CACNA1F: variants seen among roughly 807,000 people sequenced by gnomAD.
CACNA1F encodes calcium voltage-gated channel subunit alpha1 F.
In CACNA1F, 59 loss-of-function variants were observed where a neutral mutation model predicts 143.8. That is an observed-to-expected ratio of 0.41 (90% confidence interval 0.33 to 0.51). The LOEUF is 0.51. Ranked by LOEUF, CACNA1F falls within the 20% of genes least tolerant of loss-of-function variation. CACNA1F has a pLI of 0.22. For missense variants in CACNA1F, 1,411 were observed against 1,647.5 expected, an observed-to-expected ratio of 0.86 and a Z score of 2.48; for synonymous variants, 643 against 649.1, an observed-to-expected ratio of 0.99 and a Z score of 0.14.
At chrX:49,212,430 G>C in intron 33 of CACNA1F, 122 bp from the exon 34 acceptor site, 1 of 642,327 alleles carries the variant, frequency 1.6e-6, no homozygotes, top group Non-Finnish European at 2.5e-6. Context: ...CATCTCCAAA[G>C]TGCCAAGGAC....
chrX:49,218,347 C>T, intron 24 of CACNA1F, 108 bp downstream of exon 24: 2 of 617,353 alleles, frequency 3.2e-6, no homozygotes, highest in Non-Finnish European at 5.2e-6. Context: ...GTGTCAGGTC[C>T]AGGCCGTATG....
intron 24 of CACNA1F, 24 bp downstream of exon 24, chrX:49,218,431 T>C: frequency 8.9e-7 from 1 of 1,122,523 alleles, no homozygotes; most frequent in Non-Finnish European, 1.2e-6. Context: ...CTGGGTCCTG[T>C]GGGTTTGGGT....
rs1158662207 is a variant in CACNA1F, at chrX:49,206,800, G to A, written c.5287C>T (p.Pro1763Ser). The change falls in exon 45 of 48, where the codon CCT becomes TCT. Residue 1763 changes from proline (P) to serine (S), a missense_variant. By Grantham distance (74) the Pro-to-Ser change is moderately conservative. This residue lies in a region of CACNA1F where 349 missense variants were observed against 350.2 expected (regional missense o/e 1.00). Transcript: ENST00000323022. ...TCCATGTATCTCTGAGCTCTGTGAGGTGGCAAAAGGACTGAGCACGGGGGA... is the reference window on the plus strand; with the variant it reads ...TCCATGTATCTCTGAGCTCTGTGAGATGGCAAAAGGACTGAGCACGGGGGA... ...GTPPCSVLLP[P>S]HRAQRYMDGH... The A allele has an allele frequency of 1.7e-6, 2 of 1,208,613 alleles. No homozygotes were observed. Among genetic ancestry groups the A allele is most frequent in the East Asian group, 3.0e-5 (1 of 33,792 alleles).
At chrX:49,214,316 G>A (rs782456452) in intron 29 of CACNA1F, 47 bp from the exon 30 acceptor site, 17 of 770,213 alleles carry the variant, frequency 2.2e-5, no homozygotes, top group African/African-American at 1.6e-4. Flanking sequence ...CAGAGATGCC[G>A]CCACACCCAA....
rs781954769 is a variant in CACNA1F at position 49,218,951 on chromosome X, G to A, written c.2674-10C>T. 2 of 1,193,290 alleles carry A rather than the reference G, an allele frequency of 1.7e-6. No homozygotes were observed. Among genetic ancestry groups the A allele is most frequent in the Non-Finnish European group, 2.3e-6 (2 of 879,562 alleles). On this transcript the variant is annotated splice_polypyrimidine_tract_variant and intron_variant, in intron 21 of 47. Transcript: ENST00000323022. ...CGAAGTAACCCAGAATCTGGGGTGT[G>A]AGAAAGAGCGGGGAGCCACTGAGTC...
chrX:49,208,415 T>TCCCCCCCCCCCCC, intron 43 of CACNA1F, 100 bp downstream of exon 43: 2 of 138,732 alleles, frequency 1.4e-5, no homozygotes, highest in Admixed American at 8.0e-5. Flanking sequence ...CTCTAGGCCC[T>TCCCCCCCCCCCCC]CCCTCCCACC....
Position 49,219,645 on chromosome X carries a change from G to T in CACNA1F, c.2532C>A (p.Ser844Arg). 8.3e-7 allele frequency: 1 copy of T among 1,203,946 alleles called. No homozygotes were observed. Among genetic ancestry groups the T allele is most frequent in the Non-Finnish European group, 1.1e-6 (1 of 891,646 alleles). Reference protein sequence around the residue: ...IPEGSAFFCLSQTNPLRKGCH... With the variant: ...IPEGSAFFCLRQTNPLRKGCH... ...CTTCCGGCACTCACGGGTTGGTTTG[G>T]CTGAGGCAGAAGAAGGCGCTGCCCT... Residue 844 changes from serine to arginine, a missense_variant, in exon 20 of 48, where the codon AGC becomes AGA. Physicochemically the swap from Ser to Arg is moderately radical, Grantham distance 110. Coordinates refer to ENST00000323022, the MANE Select transcript of CACNA1F (RefSeq NM_001256789.3).
chrX:49,230,196 C>T (rs2065863189), intron 6 of CACNA1F, 24 bp downstream of exon 6: 1 of 1,186,322 alleles, frequency 8.4e-7, no homozygotes, highest in African/African-American at 1.8e-5. Context: ...GCATGTTCTG[C>T]CTAGGAGGGG....
chrX:49,222,564 T>C lies in CACNA1F; in HGVS notation c.2246A>G (p.Asn749Ser). Reference protein sequence around the residue: ...LNVFLAIAVDNLASGDAGTAK... With the variant: ...LNVFLAIAVDSLASGDAGTAK... ...AGTGCCTGCATCTCCACTGGCCAGG[T>C]TGTCCACAGCAATGGCAAGAAACAC... Residue 749 changes from asparagine (N) to serine (S), a missense_variant, in exon 17 of 48, where the codon AAC becomes AGC. Asn to Ser is a conservative substitution (Grantham distance 46). Around this residue, in one of 3 missense-constraint regions of CACNA1F, gnomAD observed 950 missense variants for 1,128.1 expected, o/e 0.84. Coordinates refer to ENST00000323022, the MANE Select transcript of CACNA1F (RefSeq NM_001256789.3). 1.7e-6 allele frequency: 2 copies of C among 1,210,705 alleles called. No homozygotes were observed. The highest frequency in any genetic ancestry group is 1.1e-6 in the Non-Finnish European group (1 of 895,020).
Position 49,215,559 on chromosome X carries a change from GGGGGGTAGAGGT to G in CACNA1F, c.3237-28_3237-17del. Reference sequence around the variant, plus strand: ...GTATAGCAGTCTGTGGGAGCCAGAGGGGGGGTAGAGGTGGGGGCAGGTGAGGGGATATCCCAG... The same window carrying G: ...GTATAGCAGTCTGTGGGAGCCAGAGGGGGGGCAGGTGAGGGGATATCCCAG... On this transcript the variant is annotated splice_polypyrimidine_tract_variant and intron_variant, in intron 27 of 47. Coordinates refer to ENST00000323022, the MANE Select transcript of CACNA1F (RefSeq NM_001256789.3). The G allele has an allele frequency of 1.8e-6, 2 of 1,090,881 alleles. No homozygotes were observed. Among genetic ancestry groups the G allele is most frequent in the Non-Finnish European group, 2.5e-6 (2 of 793,611 alleles). 89.9% of individuals were successfully genotyped at this position (1,090,881 alleles called of 1,213,427 possible). A position where few individuals can be genotyped will look rare whatever the true frequency, so the allele number is the denominator to read the frequency against.
At chrX:49,212,064 G>A (rs2065662312) in intron 34 of CACNA1F, 75 bp from the exon 35 acceptor site, 4 of 897,554 alleles carry the variant, frequency 4.5e-6, no homozygotes, top group Middle Eastern at 2.7e-4. Flanking sequence ...ATACCTAAAG[G>A]AGCCTCATAA....
Position 49,208,562 on chromosome X carries a change from G to C in CACNA1F, c.5076C>G (p.Pro1692=). ...GGGGCACACTGGGCTGACTGGAGGT[G>C]GGAGTCCCCCTGTCATCATCACTGG... ...FGPSDDDRGT[P]TSSQPSVPQA... is the part of the protein sequence containing the mutation. Residue 1692 remains proline (P), a synonymous_variant, in exon 43 of 48, where the codon CCC becomes CCG. Coordinates refer to ENST00000323022, the MANE Select transcript of CACNA1F (RefSeq NM_001256789.3). The C allele has an allele frequency of 8.3e-7, 1 of 1,209,989 alleles. No individual in the cohort carries two copies.
chrX:49,219,931 G>T (rs926743707), intron 19 of CACNA1F, 141 bp from the exon 20 acceptor site: 2 of 502,910 alleles, frequency 4.0e-6, no homozygotes, highest in Non-Finnish European at 7.1e-6. Flanking sequence ...AGTCTGTTTT[G>T]TATGCTGCTA....
chrX:49,230,872 C>A lies in CACNA1F; in HGVS notation c.499G>T (p.Asp167Tyr). 3 of 1,182,992 alleles carry A rather than the reference C, an allele frequency of 2.5e-6. No individual in the cohort carries two copies. Among genetic ancestry groups the A allele is most frequent in the Non-Finnish European group, 3.4e-6 (3 of 880,929 alleles). The change falls in exon 4 of 48, where the codon GAC (aspartate) becomes TAC (tyrosine). Residue 167 changes from aspartate (D) to tyrosine (Y), a missense_variant. Coordinates refer to ENST00000323022, the MANE Select transcript of CACNA1F (RefSeq NM_001256789.3). ...CACCCGACCACGACGATGATGAAGT[C>A]GAGTAGGTTCCAGCCATTGCGGATG... ...AYIRNGWNLL[D>Y]FIIVVVGLFS...
intron 34 of CACNA1F, 95 bp downstream of exon 34, chrX:49,212,148 C>T: frequency 2.4e-6 from 2 of 846,530 alleles, no homozygotes; most frequent in East Asian, 3.2e-5. Flanking sequence ...TCCAGCTTGT[C>T]TGTCTACCTG....
In CACNA1F at chrX:49,231,235, A is replaced by C. The variant is rs1557111307; in HGVS notation, c.348T>G (p.Pro116=). The change falls in exon 3 of 48, where the codon CCT becomes CCG. Residue 116 remains proline, a synonymous_variant. Transcript: ENST00000323022. The stretch of plus-strand genomic sequence containing the variant: ...GGTTGGCAGTGTTGGAGTCGTCCTC[A>C]GGGAAGGGGATGTAAACTCCCAGGG... The part of the protein sequence containing the change: ...CVALGVYIPF[P]EDDSNTANHN... 4 of 1,164,923 alleles carry C rather than the reference A, an allele frequency of 3.4e-6. No individual in the cohort carries two copies. Among genetic ancestry groups the C allele is most frequent in the Non-Finnish European group, 4.6e-6 (4 of 870,330 alleles).
intron 13 of CACNA1F, 102 bp downstream of exon 13, chrX:49,225,807 C>T: frequency 1.6e-6 from 1 of 622,551 alleles, no homozygotes; most frequent in East Asian, 3.6e-5. Context: ...GGGGGGAAGG[C>T]AGTGTCTTGG....
chrX:49,205,843 G>A (rs1557104767), intron 46 of CACNA1F, 30 bp from the exon 47 acceptor site: 1 of 1,142,180 alleles, frequency 8.8e-7, no homozygotes, highest in East Asian at 3.2e-5. Flanking sequence ...AGAGGGGCAG[G>A]GATGGATGAG....
chrX:49,215,205 G>T lies in CACNA1F; in HGVS notation c.3478C>A (p.Arg1160Ser). The change falls in exon 29 of 48, where the codon CGC (arginine) becomes AGC (serine). Residue 1160 changes from arginine to serine, a missense_variant. Around this residue, in one of 3 missense-constraint regions of CACNA1F, gnomAD observed 950 missense variants for 1,128.1 expected, o/e 0.84. Coordinates refer to ENST00000323022, the MANE Select transcript of CACNA1F (RefSeq NM_001256789.3). ...TGCGGGTTCTTGGGGATGTAACGGC[G>T]GAGTGGCTGGGCCTTGAGGGCATAT... ...VEYALKAQPLRRYIPKNPHQY... is the reference protein window; with the variant it reads ...VEYALKAQPLSRYIPKNPHQY... 7 of 1,210,771 alleles carry T rather than the reference G, an allele frequency of 5.8e-6. No homozygotes were observed. Among genetic ancestry groups the T allele is most frequent in the East Asian group, 3.0e-5 (1 of 33,816 alleles).
Sources: allele counts gnomAD v4.1 joint callset, GRCh38; gene constraint gnomAD v4.1.1; regional missense constraint gnomAD v4.1.1; transcripts MANE v1.5; gene names NCBI Gene and HGNC (gene_info 2026-07-23, HGNC 2026-07-21).